CTBP2: variants seen among roughly 807,000 people sequenced by gnomAD.
The protein encoded by CTBP2 is C-terminal binding protein 2.
Under a neutral mutation model 80.3 loss-of-function variants are expected in CTBP2, and 30 were observed. The observed-to-expected ratio is 0.37, with a 90% CI of 0.28 to 0.51. The LOEUF (loss-of-function observed/expected upper bound fraction) is 0.51, where lower values mean the gene tolerates loss of function less well. Among genes scored for constraint, CTBP2 ranks in the 20% least tolerant of loss-of-function variants. The pLI, the probability that CTBP2 is intolerant of heterozygous loss-of-function variation, is 0.93. For synonymous variants in CTBP2, 594 were observed against 587.4 expected, an observed-to-expected ratio of 1.01 and a Z score of -0.16; for missense variants, 1,212 against 1,375.3, an observed-to-expected ratio of 0.88 and a Z score of 1.88.
chr10:125,031,893 G>T (rs2134811749), upstream of CTBP2, among the ~76,000 whole-genome samples: 1 of 152,330 alleles, frequency 6.6e-6, no homozygotes, highest in South Asian at 2.1e-4. Context: ...CAGATTAGCT[G>T]CATCCTAAGA....
At position 124,994,604 on chromosome 10, in the gene CTBP2, A is replaced by G. The variant is rs765066393; in HGVS notation, c.2265T>C (p.Asp755=). 3 of 1,614,114 alleles carry G rather than the reference A, an allele frequency of 1.9e-6. No homozygotes were observed. The highest frequency in any genetic ancestry group is 2.2e-5 in the South Asian group (2 of 91,080). The stretch of plus-strand genomic sequence containing the variant: ...GCACGCCCAGGGACCGCTCGATCCC[A>G]TCCTGCAAGTAGGGGTCATAAAATA... Residue 755 remains aspartate (D), a synonymous_variant, in exon 5 of 9, where the codon GAT becomes GAC. Transcript: ENST00000309035.
chr10:125,105,477 T>C (rs1328083890), intron 2 of CTBP2, among the ~76,000 whole-genome samples: 8 of 152,206 alleles, frequency 5.3e-5, no homozygotes, highest in African/African-American at 1.9e-4. Flanking sequence ...CAGATCCAGA[T>C]ACTAAATCCT....
At chr10:125,016,670 C>CAGGCCAA (rs1198027101) in intron 1 of CTBP2, among the ~76,000 whole-genome samples, 1 of 152,248 alleles carries the variant, frequency 6.6e-6, no homozygotes, top group East Asian at 1.9e-4. Flanking sequence ...TGCTGTCCGG[C>CAGGCCAA]AGGCCAAGGG....
intron 1 of CTBP2, among the ~76,000 whole-genome samples, chr10:125,019,411 GTAAA>G: frequency 6.6e-6 from 1 of 151,956 alleles, no homozygotes; most frequent in Non-Finnish European, 1.5e-5. Flanking sequence ...GTTCTTGGGG[GTAAA>G]TAAATTTGTG....
At chr10:125,054,054 G>A (rs1190682641) in intron 2 of CTBP2, among the ~76,000 whole-genome samples, 1 of 152,052 alleles carries the variant, frequency 6.6e-6, no homozygotes, top group Non-Finnish European at 1.5e-5. Flanking sequence ...CATGAATTGA[G>A]GGCCATGGAG....
chr10:124,994,895 C>T (rs1446132498), intron 4 of CTBP2, among the ~76,000 whole-genome samples: 1 of 152,244 alleles, frequency 6.6e-6, no homozygotes, highest in African/African-American at 2.4e-5. Context: ...GACCGCAGTG[C>T]TTGCTGCTTA....
At chr10:125,112,652 C>G (rs1448192654) in intron 1 of CTBP2, among the ~76,000 whole-genome samples, 2 of 151,558 alleles carry the variant, frequency 1.3e-5, no homozygotes, top group Non-Finnish European at 2.9e-5. Flanking sequence ...TGGTATCAAA[C>G]TCCTGACCTT....
intron 2 of CTBP2, among the ~76,000 whole-genome samples, chr10:125,056,596 G>C (rs1356737579): frequency 6.6e-6 from 1 of 152,184 alleles, no homozygotes; most frequent in Non-Finnish European, 1.5e-5. Flanking sequence ...ACTCCCTCTA[G>C]TCACCCGCCA....
At chr10:125,087,156 C>T (rs1848114360) in intron 2 of CTBP2, among the ~76,000 whole-genome samples, 1 of 150,790 alleles carries the variant, frequency 6.6e-6, no homozygotes, top group Admixed American at 6.6e-5. Context: ...CTCCCTGCAA[C>T]TTCCAACTCC....
chr10:125,124,607 C>CA (rs1169298620), intron 1 of CTBP2, among the ~76,000 whole-genome samples: 2 of 152,204 alleles, frequency 1.3e-5, no homozygotes, highest in African/African-American at 4.8e-5. Flanking sequence ...TTCAAATCAT[C>CA]AACATTGCTT....
chr10:125,120,468 C>T (rs1854129278), intron 1 of CTBP2, among the ~76,000 whole-genome samples: 1 of 152,220 alleles, frequency 6.6e-6, no homozygotes, highest in African/African-American at 2.4e-5. Flanking sequence ...CTTACTGCAA[C>T]TTGCACCTCC....
At chr10:125,144,282 C>A (rs193151824) in intron 1 of CTBP2, among the ~76,000 whole-genome samples, 122 of 152,336 alleles carry the variant, frequency 8.0e-4, no homozygotes, top group African/African-American at 2.8e-3. Context: ...TGTGAATACA[C>A]AACCATTCTC....
At chr10:125,044,647 A>C (rs1960773880) in intron 2 of CTBP2, among the ~76,000 whole-genome samples, 1 of 152,214 alleles carries the variant, frequency 6.6e-6, no homozygotes, top group Non-Finnish European at 1.5e-5. Context: ...GTGTGCCTCT[A>C]GTCTCCCTCC....
chr10:125,010,749 G>T (rs903881590), intron 1 of CTBP2, among the ~76,000 whole-genome samples: 1 of 152,178 alleles, frequency 6.6e-6, no homozygotes, highest in Non-Finnish European at 1.5e-5. Context: ...AGAGAGCAGC[G>T]TGGTACAAAA....
At chr10:125,053,360 G>A (rs1181744910) in intron 2 of CTBP2, among the ~76,000 whole-genome samples, 7 of 152,182 alleles carry the variant, frequency 4.6e-5, no homozygotes, top group South Asian at 2.1e-4. Context: ...CTCACTGCCC[G>A]CCGAACAGAG....
At chr10:125,086,960 G>A (rs769066063) in intron 2 of CTBP2, among the ~76,000 whole-genome samples, 190 of 152,030 alleles carry the variant, frequency 1.2e-3, no homozygotes, top group Non-Finnish European at 2.4e-3. Context: ...ACACACGTGC[G>A]CCCACACACA....
At chr10:125,096,620 A>T (rs919971627) in intron 2 of CTBP2, among the ~76,000 whole-genome samples, 2 of 152,192 alleles carry the variant, frequency 1.3e-5, no homozygotes, top group Non-Finnish European at 2.9e-5. Context: ...CTGCTGAGTC[A>T]GGTTGCCTAG....
Position 125,119,152 on chromosome 10 carries a change from C to G in CTBP2, c.-205-8059G>C, listed in dbSNP as rs1402838196. ...CTATATATTTACTATAGGCCCTACACAGGGCCAGAAGGTGAGCAGAGGGGT... is the reference window on the plus strand; with the variant it reads ...CTATATATTTACTATAGGCCCTACAGAGGGCCAGAAGGTGAGCAGAGGGGT... On this transcript the variant is annotated intron_variant, in intron 1 of 10. Coordinates refer to the CTBP2 transcript ENST00000337195. Among the ~76,000 whole-genome samples the G allele has an allele frequency of 3.3e-5, 5 of 152,346 alleles. No individual in the cohort carries two copies. The East Asian group carries it at 9.6e-4, about 29-fold the overall frequency.
chr10:125,060,468 GT>G (rs1964745764), intron 2 of CTBP2, among the ~76,000 whole-genome samples: 4 of 90,916 alleles, frequency 4.4e-5, no homozygotes, highest in Non-Finnish European at 8.9e-5. Flanking sequence ...CCCCACGTGT[GT>G]GTGTGTGTGT....
Sources: allele counts gnomAD v4.1 joint callset (sites outside exome capture counted in the v4.1 genomes callset), GRCh38; gene constraint gnomAD v4.1.1; transcripts MANE v1.5; gene names NCBI Gene and HGNC (gene_info 2026-07-23, HGNC 2026-07-21).